The following ANK2 variants were observed in gnomAD, a reference collection of about 807,000 sequenced individuals.
The protein encoded by ANK2 is ankyrin-2.
A neutral mutation model predicts 360.5 loss-of-function variants in ANK2; 83 were observed. The observed-to-expected ratio is 0.23, with a 90% confidence interval of 0.19 to 0.28. The LOEUF (loss-of-function observed/expected upper bound fraction) is 0.28, where lower values mean the gene tolerates loss of function less well. Among genes scored for constraint, ANK2 ranks in the 10% least tolerant of loss-of-function variants. ANK2 has a pLI of 1.00. For synonymous variants in ANK2, 1,740 were observed against 1,759.5 expected (o/e 0.99, Z 0.28); for missense variants, 4,201 against 4,795.7 (o/e 0.88, Z 3.66).
chr4:113,121,494 C>T (rs541921167), intron 1 of ANK2, among the ~76,000 whole-genome samples: 2 of 152,098 alleles, frequency 1.3e-5, no homozygotes, highest in Admixed American at 6.6e-5. Context: ...TATGTAAATT[C>T]GTGTTGGGAT....
the ANK2 span, among the ~76,000 whole-genome samples, chr4:112,709,234 G>T: frequency 6.6e-6 from 1 of 151,970 alleles, no homozygotes; most frequent in African/African-American, 2.4e-5. Flanking sequence ...TTTCCAACTC[G>T]TAAGTCAAAT....
chr4:113,025,918 TTA>T lies in ANK2; in HGVS notation c.21+121406_21+121407del, dbSNP rs560186433. 7.9e-5 allele frequency among the ~76,000 whole-genome samples: 12 copies of T among 152,264 alleles called. No homozygotes were observed. In the East Asian group the frequency reaches 1.7e-3, roughly 22 times the overall value. On this transcript the variant is annotated intron_variant, in intron 2 of 30. Transcript: ENST00000503271. ...TGATATAAAGGTGAACTTATGTAGA[TTA>T]TGTCACTTTCATGGGCATTTTAATT...
chr4:113,347,143 T>C (rs1442242101), intron 35 of ANK2, among the ~76,000 whole-genome samples: 1 of 152,164 alleles, frequency 6.6e-6, no homozygotes, highest in African/African-American at 2.4e-5. Context: ...AGTTGTTAAA[T>C]TTTATATTTG....
intron 1 of ANK2, among the ~76,000 whole-genome samples, chr4:113,093,384 T>A (rs1198936225): frequency 6.6e-6 from 1 of 152,172 alleles, no homozygotes; most frequent in Non-Finnish European, 1.5e-5. Context: ...TTATTCGAGA[T>A]GGAGTCTTGC....
At chr4:112,709,673 C>G in the ANK2 span, among the ~76,000 whole-genome samples, 2 of 152,264 alleles carry the variant, frequency 1.3e-5, no homozygotes, top group Non-Finnish European at 2.9e-5. Flanking sequence ...TGCTTGAACC[C>G]AGGAGGCGGA....
chr4:112,932,507 A>G (rs2093352276), intron 2 of ANK2, among the ~76,000 whole-genome samples: 1 of 151,900 alleles, frequency 6.6e-6, no homozygotes. Context: ...AAAAAAAAAA[A>G]AAAAAGATAC....
chr4:112,928,316 T>C (rs1157492287), intron 2 of ANK2, among the ~76,000 whole-genome samples: 1 of 152,048 alleles, frequency 6.6e-6, no homozygotes, highest in Non-Finnish European at 1.5e-5. Flanking sequence ...AAAAATAGTA[T>C]GGTACTATAA....
At chr4:113,360,967 C>A in intron 39 of ANK2, 70 bp downstream of exon 39, 1 of 1,335,706 alleles carries the variant, frequency 7.5e-7, no homozygotes, top group Non-Finnish European at 1.1e-6. Flanking sequence ...TCATTCACAG[C>A]ATAAAAGGTA....
chr4:112,905,528 T>C (rs1210734991), intron 2 of ANK2, among the ~76,000 whole-genome samples: 2 of 152,234 alleles, frequency 1.3e-5, no homozygotes, highest in African/African-American at 4.8e-5. Context: ...AATTTTATCC[T>C]CTTTGAATGA....
At chr4:113,204,329 A>C (rs1393809246) in intron 4 of ANK2, among the ~76,000 whole-genome samples, 1 of 152,146 alleles carries the variant, frequency 6.6e-6, no homozygotes, top group East Asian at 1.9e-4. Context: ...GCTAAGCAAA[A>C]TTTTGGAGAA....
At chr4:112,992,103 C>G (rs1028115326) in intron 2 of ANK2, among the ~76,000 whole-genome samples, 1 of 151,840 alleles carries the variant, frequency 6.6e-6, no homozygotes, top group African/African-American at 2.4e-5. Context: ...CTCAAAACTC[C>G]TTTAGCTTCT....
At chr4:112,866,862 A>C (rs1193206263) in intron 1 of ANK2, among the ~76,000 whole-genome samples, 1 of 152,116 alleles carries the variant, frequency 6.6e-6, no homozygotes, top group Non-Finnish European at 1.5e-5. Context: ...GTGATGTATT[A>C]GTCTTACTCT....
chr4:113,036,251 T>TA (rs5861121), intron 2 of ANK2, among the ~76,000 whole-genome samples: 7,844 of 141,524 alleles, frequency 0.055, 282 homozygotes, highest in African/African-American at 0.11. Flanking sequence ...CTTTTAGTAG[T>TA]AAAAAAAAAA....
chr4:112,820,380 AT>A (rs1482640945), intron 1 of ANK2, among the ~76,000 whole-genome samples: 1 of 152,214 alleles, frequency 6.6e-6, no homozygotes, highest in African/African-American at 2.4e-5. Flanking sequence ...TACACATCTG[AT>A]GAGTGACAGA....
In ANK2 at chr4:113,278,665, T is replaced by C. The variant is rs992114670; in HGVS notation, c.1881+107T>C. 17 of 1,062,662 alleles carry C rather than the reference T, an allele frequency of 1.6e-5. No homozygotes were observed. In the Admixed American group the frequency reaches 3.3e-4, roughly 21 times the overall value. 65.8% of individuals were successfully genotyped at this position (1,062,662 alleles called of 1,614,324 possible). Reference sequence around the variant, plus strand: ...GGTATAGTATAACTGCGACTAGTCCTAGCGATAGTAGCTTTTGGTATTGAC... The same window carrying C: ...GGTATAGTATAACTGCGACTAGTCCCAGCGATAGTAGCTTTTGGTATTGAC... On this transcript the variant is annotated intron_variant, in intron 17 of 45. Transcript: ENST00000357077.
intron 4 of ANK2, among the ~76,000 whole-genome samples, chr4:113,201,031 T>C (rs995087468): frequency 4.6e-5 from 7 of 152,044 alleles, no homozygotes; most frequent in Admixed American, 3.9e-4. Flanking sequence ...GAACTTAAAG[T>C]ATAATAATAA....
chr4:113,043,807 CA>C (rs1226099635), intron 2 of ANK2, among the ~76,000 whole-genome samples: 1 of 152,012 alleles, frequency 6.6e-6, no homozygotes, highest in African/African-American at 2.4e-5. Context: ...CTTTTGGCAA[CA>C]AAAGGACACA....
chr4:112,886,102 A>C (rs1013563971), intron 1 of ANK2, among the ~76,000 whole-genome samples: 1 of 152,102 alleles, frequency 6.6e-6, no homozygotes, highest in African/African-American at 2.4e-5. Flanking sequence ...GATGGCAGTC[A>C]CAGAAGTCTG....
chr4:113,341,558 A>T, intron 32 of ANK2, 130 bp from the exon 33 acceptor site: 1 of 880,126 alleles, frequency 1.1e-6, no homozygotes, highest in Non-Finnish European at 1.8e-6. Context: ...TTCTCTCATT[A>T]TCTCCCTCTC....
Sources: gnomAD v4.1 joint callset for allele counts (sites outside exome capture counted in the v4.1 genomes callset) on GRCh38, gnomAD v4.1.1 for gene constraint, MANE v1.5 for transcripts, NCBI Gene and HGNC (gene_info 2026-07-23, HGNC 2026-07-21) for gene names.